UQCC6: variants seen among roughly 807,000 people sequenced by gnomAD.
UQCC6 encodes the protein ubiquinol-cytochrome c reductase complex assembly factor 6.
the UQCC6 span, among the ~76,000 whole-genome samples, chr12:103,962,310 A>C: frequency 5.3e-5 from 8 of 152,200 alleles, no homozygotes; most frequent in Non-Finnish European, 8.8e-5. Flanking sequence ...ATTTTAATAA[A>C]GTATAATTTA....
At chr12:103,958,223 A>G in the UQCC6 span, among the ~76,000 whole-genome samples, 2 of 151,280 alleles carry the variant, frequency 1.3e-5, no homozygotes, top group African/African-American at 4.8e-5. Flanking sequence ...CTCAAAAAAA[A>G]AAAAAAGTTA....
At chr12:103,959,300 G>A in the UQCC6 span, among the ~76,000 whole-genome samples, 3 of 152,154 alleles carry the variant, frequency 2.0e-5, no homozygotes, top group Non-Finnish European at 2.9e-5. Context: ...ACTATGACCA[G>A]TAAAATATAT....
chr12:103,963,596 C>A, the UQCC6 span, among the ~76,000 whole-genome samples: 2 of 152,184 alleles, frequency 1.3e-5, no homozygotes, highest in Non-Finnish European at 2.9e-5. Flanking sequence ...TACAACATAT[C>A]CGTGTACTTA....
the UQCC6 span, among the ~76,000 whole-genome samples, chr12:103,961,625 C>T: frequency 1.3e-5 from 2 of 152,054 alleles, no homozygotes; most frequent in Non-Finnish European, 1.5e-5. Context: ...GGCTCAATCT[C>T]GGCTCATTGC....
At chr12:103,955,556 C>A in the UQCC6 span, 2 of 320,166 alleles carry the variant, frequency 6.2e-6, no homozygotes, top group African/African-American at 4.3e-5. Flanking sequence ...ACTGATTGAA[C>A]CCAGAAATGT....
At chr12:103,951,401 T>G in the UQCC6 span, 8 of 527,708 alleles carry the variant, frequency 1.5e-5, no homozygotes, top group Non-Finnish European at 2.7e-5. Flanking sequence ...CGGCTAAACA[T>G]CCACTGAGCA....
the UQCC6 span, among the ~76,000 whole-genome samples, chr12:103,964,222 A>G: frequency 7.5e-6 from 1 of 134,164 alleles, no homozygotes; most frequent in African/African-American, 2.9e-5. Context: ...GTTCGATCTC[A>G]GCTCACTGCA....
the UQCC6 span, among the ~76,000 whole-genome samples, chr12:103,965,276 T>C: frequency 0.061 from 9,272 of 152,170 alleles, 472 homozygotes; most frequent in East Asian, 0.22. Flanking sequence ...AAAGAGGGGT[T>C]AGTCTGTAAG....
At chr12:103,964,131 CTTTTTTTTTTTTTTTTTTTTTT>C in the UQCC6 span, among the ~76,000 whole-genome samples, 2 of 69,470 alleles carry the variant, frequency 2.9e-5, no homozygotes, top group Non-Finnish European at 5.1e-5. Context: ...CTCCCATAAG[CTTTTTTTTTTTTTTTTTTTTTT>C]TTTTTTTTTT....
the UQCC6 span, chr12:103,951,347 T>C: frequency 2.0e-6 from 1 of 488,098 alleles, no homozygotes; most frequent in Non-Finnish European, 3.7e-6. Flanking sequence ...GCTTTGGCAG[T>C]TTTCAAGAAA....
the UQCC6 span, chr12:103,951,428 G>T: frequency 1.5e-6 from 1 of 651,392 alleles, no homozygotes; most frequent in Non-Finnish European, 2.7e-6. Context: ...CTTGCAGTTA[G>T]CATTAGACTA....
the UQCC6 span, among the ~76,000 whole-genome samples, chr12:103,963,748 G>T: frequency 6.6e-6 from 1 of 151,992 alleles, no homozygotes; most frequent in African/African-American, 2.4e-5. Context: ...TTTGTTGTTA[G>T]TACATAAATT....
the UQCC6 span, among the ~76,000 whole-genome samples, chr12:103,960,656 G>A: frequency 6.6e-6 from 1 of 152,122 alleles, no homozygotes; most frequent in Non-Finnish European, 1.5e-5. Context: ...AGACATTCAT[G>A]TGCTGATACA....
chr12:103,960,946 C>CT, the UQCC6 span, among the ~76,000 whole-genome samples: 5 of 151,462 alleles, frequency 3.3e-5, no homozygotes, highest in East Asian at 3.9e-4. Flanking sequence ...TCCTTTTATT[C>CT]TTTTTTAAAA....
chr12:103,952,284 CAT>C, the UQCC6 span, among the ~76,000 whole-genome samples: 3 of 152,178 alleles, frequency 2.0e-5, no homozygotes, highest in Non-Finnish European at 4.4e-5. Context: ...TAAATGGAAT[CAT>C]ATAATATGTG....
chr12:103,963,950 C>A, the UQCC6 span, among the ~76,000 whole-genome samples: 1 of 151,588 alleles, frequency 6.6e-6, no homozygotes, highest in Admixed American at 6.6e-5. Flanking sequence ...AGGAAGTTCC[C>A]AGTTCTGTTT....
chr12:103,954,811 T>C, the UQCC6 span: 1 of 626,470 alleles, frequency 1.6e-6, no homozygotes, highest in Non-Finnish European at 2.9e-6. Flanking sequence ...ATACTTGAAC[T>C]CAATTTGAAT....
At chr12:103,958,784 G>A in the UQCC6 span, among the ~76,000 whole-genome samples, 292 of 152,314 alleles carry the variant, frequency 1.9e-3, 10 homozygotes, top group East Asian at 0.052. Flanking sequence ...TAAGCCTTGA[G>A]AGAGATGTGA....
At chr12:103,961,556 T>C in the UQCC6 span, among the ~76,000 whole-genome samples, 1 of 151,980 alleles carries the variant, frequency 6.6e-6, no homozygotes, top group Admixed American at 6.6e-5. Context: ...GTTGTTGTTG[T>C]TGTTGTTGTT....
Sources: allele counts gnomAD v4.1 joint callset (sites outside exome capture counted in the v4.1 genomes callset), GRCh38; gene constraint gnomAD v4.1.1; transcripts MANE v1.5; gene names NCBI Gene and HGNC (gene_info 2026-07-23, HGNC 2026-07-21).